Variants in ERBB4 observed in about 807,000 individuals in gnomAD.
ERBB4 encodes erb-b2 receptor tyrosine kinase 4.
A neutral mutation model predicts 158.0 loss-of-function variants in ERBB4; 42 were observed. The ratio of observed to expected loss-of-function variants is 0.27; its 90% CI spans 0.21 to 0.34. The LOEUF (loss-of-function observed/expected upper bound fraction) is 0.34. Among genes scored for constraint, ERBB4 ranks in the 10% least tolerant of loss-of-function variants. The pLI, the probability that ERBB4 is intolerant of heterozygous loss-of-function variation, is 1.00. For missense variants in ERBB4, 1,333 were observed against 1,624.1 expected (o/e 0.82, Z 3.08); for synonymous variants, 583 against 558.7 (o/e 1.04, Z -0.61).
intron 20 of ERBB4, among the ~76,000 whole-genome samples, chr2:211,545,641 A>G (rs1383387049): frequency 6.6e-6 from 1 of 152,066 alleles, no homozygotes; most frequent in Admixed American, 6.6e-5. Context: ...AAGCTTGTGT[A>G]CTACAATTTC....
At chr2:212,260,461 G>A (rs1392732091) in intron 1 of ERBB4, among the ~76,000 whole-genome samples, 1 of 152,130 alleles carries the variant, frequency 6.6e-6, no homozygotes, top group Non-Finnish European at 1.5e-5. Flanking sequence ...TATAGCATTA[G>A]CTTACTTCAG....
At chr2:212,176,429 G>A (rs1000846832) in intron 1 of ERBB4, among the ~76,000 whole-genome samples, 1 of 151,902 alleles carries the variant, frequency 6.6e-6, no homozygotes, top group East Asian at 1.9e-4. Flanking sequence ...CTGTAGACAC[G>A]CAGCAAGAAG....
rs181508060 is a variant in ERBB4, at chr2:212,434,066, A to G, written c.82+104383T>C. On this transcript the variant is annotated intron_variant, in intron 1 of 27. Transcript: ENST00000342788. The stretch of plus-strand genomic sequence containing the variant: ...TGACTTTATGTTCCAGTTCCTGTAC[A>G]TGCTTTTAAAAAGCATGTTTCAGAT... Among the ~76,000 whole-genome samples the G allele has an allele frequency of 4.9e-3, 747 of 152,112 alleles. 19 individuals carry two copies. Among genetic ancestry groups the G allele is most frequent in the Admixed American group, 0.037 (559 of 15,250 alleles).
rs5838309 is a variant in ERBB4 at position 212,206,589 on chromosome 2, C to CTTTTTTTTTTTTTTTTTTTTTT, written c.83-81687_83-81686insAAAAAAAAAAAAAAAAAAAAAA. Among the ~76,000 whole-genome samples, 177 of 116,410 alleles carry CTTTTTTTTTTTTTTTTTTTTTT rather than the reference C, an allele frequency of 1.5e-3. 21 individuals are homozygous for CTTTTTTTTTTTTTTTTTTTTTT. Among genetic ancestry groups the CTTTTTTTTTTTTTTTTTTTTTT allele is most frequent in the African/African-American group, 5.6e-3 (156 of 27,658 alleles). 76.4% of individuals were successfully genotyped at this position (116,410 alleles called of 152,430 possible). On this transcript the variant is annotated intron_variant, in intron 1 of 27. Transcript: ENST00000342788. Reference sequence around the variant, plus strand: ...ATGAACTGTCTCCGTCTGTTCTGTTCTTTTTTTTTTTTTTTTGAGACGGAG... The same window carrying CTTTTTTTTTTTTTTTTTTTTTT: ...ATGAACTGTCTCCGTCTGTTCTGTTCTTTTTTTTTTTTTTTTTTTTTTTTTTTTTTTTTTTTTTGAGACGGAG...
At chr2:212,206,586 G>GTTTTTT (rs1393759656) in intron 1 of ERBB4, among the ~76,000 whole-genome samples, 6 of 66,764 alleles carry the variant, frequency 9.0e-5, no homozygotes, top group Admixed American at 1.8e-4. Context: ...CGTCTGTTCT[G>GTTTTTT]TTCTTTTTTT....
chr2:211,949,749 T>C (rs1251230250), intron 2 of ERBB4, among the ~76,000 whole-genome samples: 2 of 152,148 alleles, frequency 1.3e-5, no homozygotes, highest in Non-Finnish European at 2.9e-5. Context: ...CCTCACTACC[T>C]TCAAGTTTTT....
chr2:211,422,282 T>C (rs1327223490), intron 23 of ERBB4, among the ~76,000 whole-genome samples, 178 bp from the exon 24 acceptor site: 2 of 151,986 alleles, frequency 1.3e-5, no homozygotes, highest in Non-Finnish European at 2.9e-5. Flanking sequence ...TCGGTCTCTT[T>C]GTTGATATTC....
chr2:211,615,986 C>T (rs1362141767), intron 19 of ERBB4, among the ~76,000 whole-genome samples: 2 of 152,196 alleles, frequency 1.3e-5, no homozygotes, highest in African/African-American at 4.8e-5. Context: ...TATGCACATA[C>T]GCTAGTTTGC....
chr2:212,112,687 A>G (rs1453540355), intron 2 of ERBB4, among the ~76,000 whole-genome samples: 1 of 152,148 alleles, frequency 6.6e-6, no homozygotes, highest in African/African-American at 2.4e-5. Flanking sequence ...GAATAACAAC[A>G]CTTATTCATA....
intron 1 of ERBB4, among the ~76,000 whole-genome samples, chr2:212,476,972 T>A (rs1689437382): frequency 1.3e-5 from 2 of 152,140 alleles, no homozygotes; most frequent in South Asian, 2.1e-4. Context: ...GGAACATTGA[T>A]TCTTCCACAT....
At chr2:211,633,846 G>A (rs1343917550) in intron 16 of ERBB4, among the ~76,000 whole-genome samples, 2 of 151,920 alleles carry the variant, frequency 1.3e-5, no homozygotes, top group South Asian at 2.1e-4. Flanking sequence ...ATCTAACAAA[G>A]GTCAAATATC....
intron 1 of ERBB4, among the ~76,000 whole-genome samples, chr2:212,189,208 G>T (rs2082118626): frequency 6.6e-6 from 1 of 151,742 alleles, no homozygotes; most frequent in South Asian, 2.1e-4. Context: ...AAAAAGTTTT[G>T]AATTTTGCAG....
intron 2 of ERBB4, among the ~76,000 whole-genome samples, chr2:211,986,735 G>GC: frequency 6.6e-6 from 1 of 152,100 alleles, no homozygotes; most frequent in East Asian, 1.9e-4. Context: ...GGTAACACTT[G>GC]CAAGCATCTA....
At chr2:212,151,365 A>G (rs562659569) in intron 1 of ERBB4, among the ~76,000 whole-genome samples, 10 of 151,282 alleles carry the variant, frequency 6.6e-5, no homozygotes, top group African/African-American at 2.4e-4. Context: ...AGTTACTTTT[A>G]TTCATTTTTA....
chr2:212,249,613 TAAAC>T (rs1337482754), intron 1 of ERBB4, among the ~76,000 whole-genome samples: 4 of 152,044 alleles, frequency 2.6e-5, no homozygotes, highest in African/African-American at 9.6e-5. Flanking sequence ...AAGGATGTTT[TAAAC>T]AGAGAAAAGT....
intron 1 of ERBB4, among the ~76,000 whole-genome samples, chr2:212,409,582 T>C (rs980718304): frequency 1.2e-4 from 19 of 152,170 alleles, no homozygotes; most frequent in African/African-American, 4.3e-4. Context: ...CTTTACAATG[T>C]TTGTAAAACT....
chr2:211,867,245 G>A (rs2078233406), intron 3 of ERBB4, among the ~76,000 whole-genome samples: 1 of 151,946 alleles, frequency 6.6e-6, no homozygotes, highest in African/African-American at 2.4e-5. Context: ...TACTTTTTCG[G>A]CTTTGATTCA....
At chr2:211,428,043 CG>C (rs1409137607) in intron 22 of ERBB4, among the ~76,000 whole-genome samples, 4 of 151,106 alleles carry the variant, frequency 2.6e-5, no homozygotes, top group Admixed American at 1.3e-4. Flanking sequence ...CATCACACAT[CG>C]GGGCCTGTCG....
intron 3 of ERBB4, among the ~76,000 whole-genome samples, chr2:211,832,787 T>G (rs192952965): frequency 6.6e-6 from 1 of 150,776 alleles, no homozygotes; most frequent in African/African-American, 2.4e-5. Context: ...ACACATTCCC[T>G]GTCTATACGC....
Sources: gnomAD v4.1 joint callset for allele counts (sites outside exome capture counted in the v4.1 genomes callset) on GRCh38, gnomAD v4.1.1 for gene constraint, MANE v1.5 for transcripts, NCBI Gene and HGNC (gene_info 2026-07-23, HGNC 2026-07-21) for gene names.